The following ADAMTS3 variants were observed in gnomAD, a reference collection of about 807,000 sequenced individuals.
ADAMTS3 encodes ADAM metallopeptidase with thrombospondin type 1 motif 3.
In ADAMTS3, 73 loss-of-function variants were observed where a neutral mutation model predicts 129.0. The observed-to-expected ratio is 0.57, with a 90% CI of 0.47 to 0.69. The LOEUF is 0.69. Among genes scored for constraint, ADAMTS3 ranks in the 30% least tolerant of loss-of-function variants. The pLI, the probability that ADAMTS3 is intolerant of heterozygous loss-of-function variation, is 0.00. For missense variants in ADAMTS3, 1,457 were observed against 1,514.5 expected (o/e 0.96, Z 0.63); for synonymous variants, 477 against 510.8 (o/e 0.93, Z 0.89).
At chr4:72,559,710 C>T (rs569885018) in intron 2 of ADAMTS3, among the ~76,000 whole-genome samples, 164 of 151,890 alleles carry the variant, frequency 1.1e-3, no homozygotes, top group African/African-American at 3.6e-3. Flanking sequence ...TTGTTTACAG[C>T]GTAGCAGCAT....
intron 17 of ADAMTS3, among the ~76,000 whole-genome samples, chr4:72,299,923 T>C (rs1290666435): frequency 1.3e-5 from 2 of 152,126 alleles, no homozygotes; most frequent in African/African-American, 4.8e-5. Context: ...AGGGCAAAGC[T>C]GCCTTTAAAA....
intron 21 of ADAMTS3, 90 bp downstream of exon 21, chr4:72,288,661 T>C: frequency 1.2e-6 from 1 of 828,878 alleles, no homozygotes; most frequent in East Asian, 2.5e-5. Flanking sequence ...AGTAAACAAA[T>C]ATAAATTCTA....
chr4:72,556,575 A>G (rs972442383), intron 2 of ADAMTS3, among the ~76,000 whole-genome samples: 11 of 151,794 alleles, frequency 7.2e-5, no homozygotes, highest in African/African-American at 2.7e-4. Flanking sequence ...CTTGTGATTG[A>G]TGCATATGGC....
chr4:72,465,062 GAATATT>G (rs1345559794), intron 3 of ADAMTS3, among the ~76,000 whole-genome samples: 3 of 151,968 alleles, frequency 2.0e-5, no homozygotes, highest in Non-Finnish European at 2.9e-5. Context: ...TCAGGAGAGA[GAATATT>G]AATAAGTAAA....
chr4:72,512,904 T>C (rs1560544225), intron 3 of ADAMTS3, among the ~76,000 whole-genome samples: 1 of 152,180 alleles, frequency 6.6e-6, no homozygotes, highest in Non-Finnish European at 1.5e-5. Flanking sequence ...GGTATTCTTT[T>C]CACGTGTGGA....
At chr4:72,340,104 G>A (rs76079380) in intron 4 of ADAMTS3, among the ~76,000 whole-genome samples, 5,663 of 152,082 alleles carry the variant, frequency 0.037, 350 homozygotes, top group African/African-American at 0.13. Flanking sequence ...AGTTCCTGTA[G>A]CCATGGAGTA....
At position 72,407,081 on chromosome 4, in the gene ADAMTS3, C is replaced by T. The variant is rs114015390; in HGVS notation, c.661+7734G>A. ...AAACAACATATCCCAGCCTGATTAA[C>T]TTAATACCTTCTTTAAACATAATTA... On this transcript the variant is annotated intron_variant, in intron 4 of 21. Coordinates refer to ENST00000286657, the MANE Select transcript of ADAMTS3 (RefSeq NM_014243.3). Among the ~76,000 whole-genome samples the T allele has an allele frequency of 2.0e-3, 307 of 152,208 alleles. 3 individuals carry two copies. Among genetic ancestry groups the T allele is most frequent in the African/African-American group, 7.2e-3 (298 of 41,540 alleles).
In ADAMTS3 at chr4:72,532,631, G is replaced by A. The variant is rs553203679; in HGVS notation, c.504+15847C>T. ...ATGCATTAGGTGATTTCATCACTAC[G>A]TGAACATGATATGGTATACTTACAC... is the stretch of plus-strand genomic sequence containing the variant. On this transcript the variant is annotated intron_variant, in intron 3 of 21. Coordinates refer to ENST00000286657, the MANE Select transcript of ADAMTS3 (RefSeq NM_014243.3). Among the ~76,000 whole-genome samples, 25 of 152,098 alleles carry A rather than the reference G, an allele frequency of 1.6e-4. No homozygotes were observed. In the East Asian group the frequency reaches 3.9e-3, roughly 24 times the overall value.
chr4:72,494,452 C>A (rs1259629148), intron 3 of ADAMTS3, among the ~76,000 whole-genome samples: 1 of 151,978 alleles, frequency 6.6e-6, no homozygotes, highest in East Asian at 1.9e-4. Context: ...CTTTGTTGAA[C>A]TTCTTGTTTT....
rs141228505 is a variant in ADAMTS3, at chr4:72,335,850, C to T, written c.861+3644G>A. On this transcript the variant is annotated intron_variant, in intron 5 of 21. Coordinates refer to ENST00000286657, the MANE Select transcript of ADAMTS3 (RefSeq NM_014243.3). ...CTTGTTTTGAGTCCAAAATTTCTGA[C>T]TTCCTCCCAAGATTGTTCGTGATCT... Among the ~76,000 whole-genome samples the T allele has an allele frequency of 1.9e-4, 29 of 152,230 alleles. 1 individual carries two copies. In the East Asian group the frequency reaches 5.0e-3, roughly 26 times the overall value.
chr4:72,466,240 G>A (rs2109988762), intron 3 of ADAMTS3, among the ~76,000 whole-genome samples: 1 of 152,148 alleles, frequency 6.6e-6, no homozygotes, highest in African/African-American at 2.4e-5. Flanking sequence ...TTCAGCTCGT[G>A]GCTGGCACTA....
chr4:72,477,454 C>T (rs767654596), intron 3 of ADAMTS3, among the ~76,000 whole-genome samples: 3 of 151,888 alleles, frequency 2.0e-5, no homozygotes, highest in Non-Finnish European at 4.4e-5. Flanking sequence ...GGGTACGTAA[C>T]GAAATGAAGG....
intron 4 of ADAMTS3, among the ~76,000 whole-genome samples, chr4:72,375,426 G>C (rs1721111951): frequency 6.6e-6 from 1 of 152,140 alleles, no homozygotes; most frequent in African/African-American, 2.4e-5. Flanking sequence ...CCCTTCAAGA[G>C]CTTACAATTT....
At chr4:72,365,340 C>A (rs1365403814) in intron 4 of ADAMTS3, among the ~76,000 whole-genome samples, 1 of 152,180 alleles carries the variant, frequency 6.6e-6, no homozygotes, top group Non-Finnish European at 1.5e-5. Context: ...TTCTTGATAA[C>A]CTCTTGCTGG....
At chr4:72,474,602 G>A (rs890548849) in intron 3 of ADAMTS3, among the ~76,000 whole-genome samples, 33 of 152,074 alleles carry the variant, frequency 2.2e-4, no homozygotes, top group African/African-American at 7.7e-4. Context: ...TAATATTCAG[G>A]TAAAGTTTCC....
At chr4:72,442,516 G>A (rs915634444) in intron 3 of ADAMTS3, among the ~76,000 whole-genome samples, 4 of 151,606 alleles carry the variant, frequency 2.6e-5, no homozygotes, top group African/African-American at 4.8e-5. Context: ...TCTTTTAAAC[G>A]ACCAGATCTC....
rs140901529 is a variant in ADAMTS3, at chr4:72,431,339, T to G, written c.505-16368A>C. The stretch of plus-strand genomic sequence containing the variant: ...CACTGCCCCATTAAAGCTAAAATAC[T>G]AGTGAGGACAATAAACCAGTAAACA... On this transcript the variant is annotated intron_variant, in intron 3 of 21. Transcript: ENST00000286657. Among the ~76,000 whole-genome samples, 296 of 152,068 alleles carry G rather than the reference T, an allele frequency of 1.9e-3. 1 individual carries two copies. The highest frequency in any genetic ancestry group is 6.9e-3 in the African/African-American group (285 of 41,528).
At chr4:72,346,082 C>CT (rs757078531) in intron 4 of ADAMTS3, among the ~76,000 whole-genome samples, 3 of 152,128 alleles carry the variant, frequency 2.0e-5, no homozygotes, top group African/African-American at 4.8e-5. Flanking sequence ...GGTGTACAAA[C>CT]TTTGCCTTCA....
intron 3 of ADAMTS3, among the ~76,000 whole-genome samples, chr4:72,478,506 A>C (rs1719313153): frequency 6.7e-6 from 1 of 149,824 alleles, no homozygotes; most frequent in Non-Finnish European, 1.5e-5. Flanking sequence ...TTCATGCTAA[A>C]AACTCTCAAT....
Sources: gnomAD v4.1 joint callset for allele counts (sites outside exome capture counted in the v4.1 genomes callset) on GRCh38, gnomAD v4.1.1 for gene constraint, MANE v1.5 for transcripts, NCBI Gene and HGNC (gene_info 2026-07-23, HGNC 2026-07-21) for gene names.